SPECC1: variants seen among roughly 807,000 people sequenced by gnomAD.
SPECC1 encodes cytospin-B.
In SPECC1, 62 loss-of-function variants were observed where a neutral mutation model predicts 104.1. The observed-to-expected ratio is 0.60, with a 90% CI of 0.49 to 0.74. SPECC1 has a LOEUF of 0.74. Among genes scored for constraint, SPECC1 ranks in the 30% least tolerant of loss-of-function variants. SPECC1 has a pLI of 0.00. For missense variants in SPECC1, 1,306 were observed against 1,310.5 expected (o/e 1.00, Z 0.05); for synonymous variants, 513 against 501.6 (o/e 1.02, Z -0.30).
At chr17:20,128,177 T>A (rs2049418136) in intron 3 of SPECC1, among the ~76,000 whole-genome samples, 1 of 152,236 alleles carries the variant, frequency 6.6e-6, no homozygotes, top group African/African-American at 2.4e-5. Flanking sequence ...GCTTGAATGC[T>A]ACAAATGAGA....
intron 1 of SPECC1, among the ~76,000 whole-genome samples, chr17:20,048,763 G>T (rs186949192): frequency 6.6e-6 from 1 of 151,654 alleles, no homozygotes; most frequent in Non-Finnish European, 1.5e-5. Context: ...ATGATGGCAC[G>T]TGCCTGTAGT....
intron 1 of SPECC1, among the ~76,000 whole-genome samples, chr17:20,021,123 A>G (rs760739620): frequency 1.3e-5 from 2 of 152,190 alleles, no homozygotes; most frequent in Non-Finnish European, 2.9e-5. Flanking sequence ...GGATTATCAT[A>G]AAAGTCTTCA....
rs2042031574 is a variant in SPECC1 at position 20,315,687 on chromosome 17, A to T, written c.*1622A>T. On this transcript the variant is annotated 3_prime_UTR_variant, in exon 15 of 15. Transcript: ENST00000395527. ...GAGGCTGCAGGTCCAGCCCCTTACC[A>T]TTCCTGGAGAGGTAGGAGCTCAGTC... The T allele has an allele frequency of 4.3e-6, 1 of 232,096 alleles. No homozygotes were observed. Among genetic ancestry groups the T allele is most frequent in the Non-Finnish European group, 8.5e-6 (1 of 117,490 alleles). The allele number at this position is 232,096 out of a possible 1,614,324, so 14.4% of individuals were successfully genotyped here.
At chr17:20,151,262 A>G (rs1209278241) in intron 3 of SPECC1, among the ~76,000 whole-genome samples, 1 of 152,126 alleles carries the variant, frequency 6.6e-6, no homozygotes, top group East Asian at 1.9e-4. Flanking sequence ...CAGGCTAGTG[A>G]TATGTGGAGC....
chr17:20,024,570 A>G (rs1249942360), intron 1 of SPECC1, among the ~76,000 whole-genome samples: 1 of 152,200 alleles, frequency 6.6e-6, no homozygotes, highest in African/African-American at 2.4e-5. Flanking sequence ...GAGGGAGATG[A>G]TTCCTACAAA....
At chr17:20,176,051 GT>G (rs1192289743) in intron 3 of SPECC1, among the ~76,000 whole-genome samples, 1 of 152,304 alleles carries the variant, frequency 6.6e-6, no homozygotes, top group African/African-American at 2.4e-5. Context: ...CTGCATAGAA[GT>G]TTTTTTCTTC....
intron 4 of SPECC1, among the ~76,000 whole-genome samples, chr17:20,214,249 C>CT (rs1461426905): frequency 6.6e-6 from 1 of 152,242 alleles, no homozygotes; most frequent in Non-Finnish European, 1.5e-5. Flanking sequence ...AATATTTCCT[C>CT]TCATTCTGTG....
chr17:20,139,111 C>T (rs953642394), intron 3 of SPECC1, among the ~76,000 whole-genome samples: 3 of 152,204 alleles, frequency 2.0e-5, no homozygotes, highest in Non-Finnish European at 4.4e-5. Context: ...GATTGGAAGA[C>T]TTTCATCAAA....
rs181746020 is a variant in SPECC1, at chr17:20,160,527, C to G, written c.284-43806C>G. ...TAGTGTCTCTTTGTAGACATGATGA[C>G]CATTCTCAACCACATTTGCATCAGT... On this transcript the variant is annotated intron_variant, in intron 3 of 14. Transcript: ENST00000395527. Among the ~76,000 whole-genome samples the G allele has an allele frequency of 1.6e-3, 246 of 152,216 alleles. 1 individual carries two copies. The highest frequency in any genetic ancestry group is 2.5e-3 in the Non-Finnish European group (171 of 68,018).
intron 3 of SPECC1, among the ~76,000 whole-genome samples, chr17:20,151,267 T>C (rs1030227643): frequency 2.6e-5 from 4 of 152,194 alleles, no homozygotes; most frequent in Non-Finnish European, 5.9e-5. Context: ...TAGTGATATG[T>C]GGAGCTACAC....
intron 1 of SPECC1, among the ~76,000 whole-genome samples, chr17:20,014,442 T>G (rs1390994239): frequency 1.3e-5 from 2 of 152,208 alleles, no homozygotes; most frequent in Non-Finnish European, 1.5e-5. Context: ...TTTATTTCAT[T>G]TGTTTTCTTA....
At chr17:20,285,851 C>T (rs1157044630) in intron 12 of SPECC1, among the ~76,000 whole-genome samples, 1 of 150,758 alleles carries the variant, frequency 6.6e-6, no homozygotes, top group Non-Finnish European at 1.5e-5. Flanking sequence ...CTCGCTCTAC[C>T]ACCCAGGTTG....
At chr17:20,283,271 C>A (rs1297623606) in intron 12 of SPECC1, among the ~76,000 whole-genome samples, 4 of 152,162 alleles carry the variant, frequency 2.6e-5, no homozygotes, top group Admixed American at 6.5e-5. Flanking sequence ...CAGAGTTATT[C>A]CATGAGGGAC....
At chr17:20,225,107 G>A (rs1234844081) in intron 4 of SPECC1, among the ~76,000 whole-genome samples, 2 of 152,020 alleles carry the variant, frequency 1.3e-5, no homozygotes, top group African/African-American at 4.8e-5. Flanking sequence ...CCCGGAATGG[G>A]GGCTTCAGGA....
intron 3 of SPECC1, among the ~76,000 whole-genome samples, chr17:20,193,808 T>C (rs908391441): frequency 5.3e-5 from 8 of 152,210 alleles, no homozygotes; most frequent in African/African-American, 9.6e-5. Context: ...TAAGCTGATA[T>C]AGGGTTGTTA....
intron 1 of SPECC1, among the ~76,000 whole-genome samples, chr17:20,073,127 C>T (rs534140933): frequency 2.6e-5 from 4 of 152,162 alleles, no homozygotes; most frequent in African/African-American, 9.6e-5. Flanking sequence ...GTTTCCGATG[C>T]CTACCTTTGA....
At chr17:20,051,863 A>G (rs185528724) in intron 1 of SPECC1, among the ~76,000 whole-genome samples, 2 of 152,294 alleles carry the variant, frequency 1.3e-5, no homozygotes, top group East Asian at 3.9e-4. Flanking sequence ...AAATAGAAGC[A>G]TGGACTTCAG....
chr17:20,210,960 C>A (rs1215847215), intron 4 of SPECC1, among the ~76,000 whole-genome samples: 2 of 152,214 alleles, frequency 1.3e-5, no homozygotes, highest in Admixed American at 1.3e-4. Flanking sequence ...CCTCCTGAAG[C>A]TTTCCGCCTC....
At chr17:20,089,012 C>T (rs776647932) in intron 1 of SPECC1, among the ~76,000 whole-genome samples, 1 of 152,194 alleles carries the variant, frequency 6.6e-6, no homozygotes, top group Non-Finnish European at 1.5e-5. Flanking sequence ...GACTTCCCAG[C>T]CTCCAAAACT....
Sources: allele counts gnomAD v4.1 joint callset (sites outside exome capture counted in the v4.1 genomes callset), GRCh38; gene constraint gnomAD v4.1.1; transcripts MANE v1.5; gene names NCBI Gene and HGNC (gene_info 2026-07-23, HGNC 2026-07-21).